Variants in CRACD observed in about 807,000 individuals in gnomAD.
CRACD encodes the protein capping protein inhibiting regulator of actin dynamics, also known as capping protein-inhibiting regulator of actin dynamics.
CRACD carries 56 observed loss-of-function variants against 106.8 expected under a neutral mutation model. That is an observed-to-expected ratio of 0.52 (90% confidence interval 0.42 to 0.66). The LOEUF (loss-of-function observed/expected upper bound fraction) is 0.66, where lower values mean the gene tolerates loss of function less well. Ranked by LOEUF, CRACD falls within the 30% of genes least tolerant of loss-of-function variation. The pLI, the probability that CRACD is intolerant of heterozygous loss-of-function variation, is 0.00. For missense variants in CRACD, 1,730 were observed against 1,623.2 expected, an observed-to-expected ratio of 1.07 and a Z score of -1.13; for synonymous variants, 754 against 670.8, an observed-to-expected ratio of 1.12 and a Z score of -1.92.
chr4:56,301,384 G>C (rs1212744429), intron 4 of CRACD: 1 of 398,944 alleles, frequency 2.5e-6, no homozygotes, highest in Admixed American at 4.0e-5. Flanking sequence ...CATGGAATGA[G>C]AGAATTTAGT....
intron 2 of CRACD, among the ~76,000 whole-genome samples, chr4:56,219,678 C>A (rs1738924728): frequency 6.6e-6 from 1 of 152,146 alleles, no homozygotes; most frequent in South Asian, 2.1e-4. Flanking sequence ...AGGAAAACAT[C>A]CTGGTCAAGG....
chr4:56,320,424 A>G (rs891270199), intron 8 of CRACD, among the ~76,000 whole-genome samples: 1 of 152,178 alleles, frequency 6.6e-6, no homozygotes, highest in Non-Finnish European at 1.5e-5. Context: ...TGAACTCCTC[A>G]AATAGGTGAT....
intron 2 of CRACD, among the ~76,000 whole-genome samples, chr4:56,180,771 C>T (rs1736787374): frequency 6.6e-6 from 1 of 152,134 alleles, no homozygotes; most frequent in South Asian, 2.1e-4. Context: ...AATTCACATA[C>T]CAAGCTTTGT....
intron 3 of CRACD, among the ~76,000 whole-genome samples, chr4:56,295,230 CCTTA>C (rs1456156851): frequency 1.3e-5 from 2 of 152,018 alleles, no homozygotes; most frequent in East Asian, 3.9e-4. Flanking sequence ...CATAAAACAG[CCTTA>C]CTAACAGTGC....
chr4:56,220,790 A>C (rs114194817), intron 2 of CRACD, among the ~76,000 whole-genome samples: 3,430 of 152,302 alleles, frequency 0.023, 53 homozygotes, highest in Middle Eastern at 0.044. Flanking sequence ...GACTGTGGGC[A>C]TAGTGGATAG....
intron 1 of CRACD, among the ~76,000 whole-genome samples, chr4:56,125,963 G>A (rs1286457191): frequency 6.6e-6 from 1 of 151,484 alleles, no homozygotes; most frequent in Admixed American, 6.6e-5. Context: ...GTAGAGACAG[G>A]GTTTTACCAT....
At chr4:56,088,666 CATCTTTAAA>C (rs942964813) in intron 1 of CRACD, among the ~76,000 whole-genome samples, 2 of 152,082 alleles carry the variant, frequency 1.3e-5, no homozygotes, top group African/African-American at 4.8e-5. Flanking sequence ...CTAAGGCTCT[CATCTTTAAA>C]ATGGGCACAC....
At chr4:56,059,275 A>AAAACAAAC (rs56089137) in intron 1 of CRACD, among the ~76,000 whole-genome samples, 7 of 150,816 alleles carry the variant, frequency 4.6e-5, no homozygotes, top group Non-Finnish European at 1.0e-4. Context: ...CCACCTCTAC[A>AAAACAAAC]AAACAAACAA....
At chr4:56,141,028 C>G (rs1735178053) in intron 1 of CRACD, among the ~76,000 whole-genome samples, 1 of 152,172 alleles carries the variant, frequency 6.6e-6, no homozygotes, top group Non-Finnish European at 1.5e-5. Context: ...CCCAGAATAA[C>G]TTCTAGGAGT....
chr4:56,137,433 A>G (rs1190528082), intron 1 of CRACD, among the ~76,000 whole-genome samples: 1 of 152,238 alleles, frequency 6.6e-6, no homozygotes, highest in African/African-American at 2.4e-5. Flanking sequence ...TTTATAACCA[A>G]AAGTCTTCTA....
rs773636767 is a variant in CRACD at position 56,307,533 on chromosome 4, A to G, written c.121-2A>G. 5.0e-6 allele frequency: 8 copies of G among 1,614,064 alleles called. No individual in the cohort carries two copies. In the Admixed American group the frequency reaches 1.2e-4, roughly 24 times the overall value. On this transcript the variant is annotated splice_acceptor_variant, in intron 4 of 10. Transcript: ENST00000682029. LOFTEE classifies it high-confidence loss of function. The stretch of plus-strand genomic sequence containing the variant: ...GAATGTCTTTCTTCTGTTTCTCTCC[A>G]GCAACAGTTGGGCAAGAATATCAAG...
intron 1 of CRACD, among the ~76,000 whole-genome samples, chr4:56,072,429 A>T (rs1005804575): frequency 3.9e-5 from 6 of 152,162 alleles, no homozygotes; most frequent in Admixed American, 3.9e-4. Flanking sequence ...ATTTGCTTTA[A>T]TTCCATCATG....
At chr4:56,214,032 G>T (rs17745470) in intron 2 of CRACD, among the ~76,000 whole-genome samples, 7,178 of 152,232 alleles carry the variant, frequency 0.047, 191 homozygotes, top group Non-Finnish European at 0.051. Flanking sequence ...TCTCCTTGCT[G>T]TGAATTTCTT....
chr4:56,113,512 TCTC>T (rs1734186270), intron 1 of CRACD, among the ~76,000 whole-genome samples: 1 of 152,088 alleles, frequency 6.6e-6, no homozygotes, highest in Non-Finnish European at 1.5e-5. Context: ...GGAAGATACT[TCTC>T]CACATTGTTC....
intron 1 of CRACD, among the ~76,000 whole-genome samples, chr4:56,154,719 A>G (rs1735710926): frequency 6.6e-6 from 1 of 152,204 alleles, no homozygotes; most frequent in African/African-American, 2.4e-5. Flanking sequence ...CTTGTAAATC[A>G]TGGCTCCCAA....
rs1745421308 is a variant in CRACD, at chr4:56,314,599, C to A, written c.1097C>A (p.Ala366Asp). Residue 366 changes from alanine (A) to aspartate (D), a missense_variant, in exon 8 of 11, where the codon GCT becomes GAT. Transcript: ENST00000682029. The surrounding 1 kb of genome is among the most constrained non-coding windows in gnomAD (Gnocchi z 4.4). ...EELKRQEEEE[A>D]EGWEELEQQE... is the part of the protein sequence containing the mutation. ...CTCAAAAGGCAGGAGGAGGAGGAGG[C>A]TGAGGGATGGGAAGAGCTGGAACAG... The A allele has an allele frequency of 3.9e-6, 6 of 1,525,128 alleles. No homozygotes were observed. Among genetic ancestry groups the A allele is most frequent in the Admixed American group, 4.1e-5 (2 of 48,470 alleles). 94.5% of individuals were successfully genotyped at this position (1,525,128 alleles called of 1,614,324 possible).
At chr4:56,106,782 A>G (rs1443046205) in intron 1 of CRACD, among the ~76,000 whole-genome samples, 2 of 152,204 alleles carry the variant, frequency 1.3e-5, no homozygotes, top group Non-Finnish European at 2.9e-5. Context: ...TTGAGCTGTG[A>G]TAATTGTCAT....
chr4:56,081,875 C>T lies in CRACD; in HGVS notation c.-336+32576C>T, dbSNP rs148476563. ...CCCGTAATCCCAGCTACTTGGGAGGCTGAGGCAGGAGAATTGCTTGGACCC... is the reference window on the plus strand; with the variant it reads ...CCCGTAATCCCAGCTACTTGGGAGGTTGAGGCAGGAGAATTGCTTGGACCC... On this transcript the variant is annotated intron_variant, in intron 1 of 10. Transcript: ENST00000682029. Among the ~76,000 whole-genome samples, 1,376 of 152,104 alleles carry T rather than the reference C, an allele frequency of 9.0e-3. 21 individuals are homozygous for T. Among genetic ancestry groups the T allele is most frequent in the African/African-American group, 0.031 (1,283 of 41,482 alleles).
chr4:56,171,271 A>T (rs1577709375), intron 1 of CRACD, among the ~76,000 whole-genome samples: 1 of 152,318 alleles, frequency 6.6e-6, no homozygotes, highest in South Asian at 2.1e-4. Context: ...TAATAAAAAA[A>T]AAAAAAGAAA....
Sources: allele counts gnomAD v4.1 joint callset (sites outside exome capture counted in the v4.1 genomes callset), GRCh38; gene constraint gnomAD v4.1.1; non-coding constraint Gnocchi (gnomAD v3.1); transcripts MANE v1.5; gene names NCBI Gene and HGNC (gene_info 2026-07-23, HGNC 2026-07-21).